The following LRRC49 variants were observed in gnomAD, a reference collection of about 807,000 sequenced individuals.
The protein encoded by LRRC49 is leucine rich repeat containing 49.
LRRC49 carries 50 observed loss-of-function variants against 83.3 expected under a neutral mutation model. That is an observed-to-expected ratio of 0.60 (90% confidence interval 0.48 to 0.76). The LOEUF is 0.76. LRRC49 is among the 30% of genes least tolerant of loss of function. LRRC49 has a pLI of 0.00. For synonymous variants in LRRC49, 286 were observed against 283.3 expected (o/e 1.01, Z -0.10); for missense variants, 704 against 809.1 (o/e 0.87, Z 1.58).
At chr15:70,926,038 T>C (rs2035182573) in intron 7 of LRRC49, among the ~76,000 whole-genome samples, 1 of 152,232 alleles carries the variant, frequency 6.6e-6, no homozygotes, top group Non-Finnish European at 1.5e-5. Context: ...ATAAAGATTA[T>C]GTACTCTTTT....
chr15:70,876,366 C>G (rs1258703683), intron 2 of LRRC49, among the ~76,000 whole-genome samples: 1 of 152,224 alleles, frequency 6.6e-6, no homozygotes, highest in African/African-American at 2.4e-5. Context: ...GCACAGTGAA[C>G]TACTGTCTTT....
chr15:70,869,619 T>G lies in LRRC49; in HGVS notation c.-298-3289T>G, dbSNP rs143563642. Among the ~76,000 whole-genome samples, 7 of 152,288 alleles carry G rather than the reference T, an allele frequency of 4.6e-5. No homozygotes were observed. In the East Asian group the frequency reaches 1.4e-3, roughly 29 times the overall value. On this transcript the variant is annotated intron_variant, in intron 1 of 16. Transcript: ENST00000544974. ...TACAGATCCGCTGCTTTATCAGCGATTACTGTCAGTACAATACAGGCCCAG... is the reference window on the plus strand; with the variant it reads ...TACAGATCCGCTGCTTTATCAGCGAGTACTGTCAGTACAATACAGGCCCAG...
At chr15:70,905,309 T>C (rs1219245412) in intron 5 of LRRC49, among the ~76,000 whole-genome samples, 1 of 152,252 alleles carries the variant, frequency 6.6e-6, no homozygotes, top group African/African-American at 2.4e-5. Flanking sequence ...CATTCTATTT[T>C]ACTGAATAGC....
chr15:71,013,465 A>G (rs915784756), intron 14 of LRRC49, among the ~76,000 whole-genome samples: 2 of 152,232 alleles, frequency 1.3e-5, no homozygotes, highest in African/African-American at 2.4e-5. Flanking sequence ...AAGCAATCAT[A>G]TAATTGGATT....
chr15:71,048,750 C>T (rs2141316336), intron 15 of LRRC49: 1 of 454,140 alleles, frequency 2.2e-6, no homozygotes, highest in African/African-American at 2.0e-5. Context: ...CAAAATTCCT[C>T]TGTTGTGTTT....
chr15:70,873,156 A>G, exon 2 of LRRC49: 2 of 1,516,156 alleles, frequency 1.3e-6, no homozygotes, highest in Non-Finnish European at 1.8e-6. Context: ...AAGTGTTGGG[A>G]TTACAGGAGT....
Position 70,906,477 on chromosome 15 carries a change from A to G in LRRC49, c.500+1722A>G, listed in dbSNP as rs1226307437. ...CTTGCAGTTATTCTTTAATATCATT[A>G]TCATTATTCCCTGCTTTTAGTCCTG... On this transcript the variant is annotated intron_variant, in intron 5 of 15. Transcript: ENST00000260382. Among the ~76,000 whole-genome samples, 60 of 152,208 alleles carry G rather than the reference A, an allele frequency of 3.9e-4. 1 individual carries two copies. The highest frequency in any genetic ancestry group is 1.0e-4 in the Non-Finnish European group (7 of 68,038).
intron 2 of LRRC49, among the ~76,000 whole-genome samples, chr15:70,874,287 A>C (rs2033109089): frequency 1.3e-5 from 2 of 152,180 alleles, no homozygotes; most frequent in Admixed American, 1.3e-4. Flanking sequence ...AAGAGGATCT[A>C]CCTTTTCTTC....
chr15:70,973,469 C>T (rs1434316558), intron 9 of LRRC49, among the ~76,000 whole-genome samples: 1 of 152,186 alleles, frequency 6.6e-6, no homozygotes, highest in Non-Finnish European at 1.5e-5. Flanking sequence ...GTCAGGGACC[C>T]ACTTGAGGAG....
intron 8 of LRRC49, 32 bp downstream of exon 8, chr15:70,936,854 A>C: frequency 7.0e-7 from 1 of 1,425,774 alleles, no homozygotes; most frequent in Non-Finnish European, 9.9e-7. Context: ...GTCATTCATT[A>C]TAACTTGATT....
chr15:70,996,007 A>G (rs2038063031), intron 11 of LRRC49, among the ~76,000 whole-genome samples: 1 of 152,140 alleles, frequency 6.6e-6, no homozygotes, highest in African/African-American at 2.4e-5. Context: ...ATGAATAATT[A>G]GGAAAGGGAT....
intron 2 of LRRC49, among the ~76,000 whole-genome samples, chr15:70,885,505 C>CGA (rs2033382801): frequency 6.6e-6 from 1 of 152,136 alleles, no homozygotes; most frequent in African/African-American, 2.4e-5. Context: ...ACATTCTCTT[C>CGA]AGCGGGGTAA....
intron 11 of LRRC49, among the ~76,000 whole-genome samples, chr15:71,005,331 C>T (rs892494192): frequency 3.3e-5 from 5 of 151,922 alleles, no homozygotes; most frequent in Non-Finnish European, 5.9e-5. Flanking sequence ...TTTAAATATT[C>T]GTTATATCAC....
intron 11 of LRRC49, among the ~76,000 whole-genome samples, chr15:70,993,592 A>G (rs778190414): frequency 1.3e-5 from 2 of 152,210 alleles, no homozygotes; most frequent in African/African-American, 2.4e-5. Context: ...CCACTCTTAT[A>G]TAGCCCTAGA....
chr15:70,908,102 T>C, intron 5 of LRRC49: 1 of 427,488 alleles, frequency 2.3e-6, no homozygotes. Context: ...GTTTAACTGA[T>C]TGAACGACTT....
At chr15:70,902,901 T>C (rs2034143214) in intron 4 of LRRC49, among the ~76,000 whole-genome samples, 2 of 152,198 alleles carry the variant, frequency 1.3e-5, no homozygotes, top group South Asian at 4.1e-4. Context: ...GTATGTTTGC[T>C]TGCTTGTTTT....
chr15:70,923,919 T>G (rs2035097380), intron 7 of LRRC49, among the ~76,000 whole-genome samples: 3 of 151,938 alleles, frequency 2.0e-5, no homozygotes, highest in Admixed American at 2.0e-4. Context: ...GGAATTGTCT[T>G]ATAACAACAG....
chr15:70,893,766 G>A, intron 2 of LRRC49, 126 bp downstream of exon 2: 1 of 708,176 alleles, frequency 1.4e-6, no homozygotes, highest in South Asian at 1.9e-5. Flanking sequence ...TTGATTTCCA[G>A]TTTAAAGCTA....
At chr15:70,927,488 A>C (rs1167319701) in intron 7 of LRRC49, among the ~76,000 whole-genome samples, 1 of 152,118 alleles carries the variant, frequency 6.6e-6, no homozygotes, top group Non-Finnish European at 1.5e-5. Context: ...AGTGAAGCTC[A>C]GTTTAGCAAT....
Sources: allele counts gnomAD v4.1 joint callset (sites outside exome capture counted in the v4.1 genomes callset), GRCh38; gene constraint gnomAD v4.1.1; transcripts MANE v1.5; gene names NCBI Gene and HGNC (gene_info 2026-07-23, HGNC 2026-07-21).